HEATR4: variants seen among roughly 807,000 people sequenced by gnomAD.
The protein encoded by HEATR4 is HEAT repeat containing 4.
In HEATR4, 95 loss-of-function variants were observed where a neutral mutation model predicts 108.8. The observed-to-expected ratio is 0.87, with a 90% confidence interval of 0.74 to 1.04. HEATR4 has a LOEUF of 1.04. Among genes scored for constraint, HEATR4 ranks in the 50% least tolerant of loss-of-function variants. The pLI is 0.00. For synonymous variants in HEATR4, 443 were observed against 459.4 expected (o/e 0.96, Z 0.46); for missense variants, 1,152 against 1,253.8 (o/e 0.92, Z 1.23).
the HEATR4 span, among the ~76,000 whole-genome samples, chr14:73,589,567 A>G: frequency 1.3e-5 from 2 of 152,134 alleles, no homozygotes; most frequent in East Asian, 3.9e-4. Flanking sequence ...GATCCGCCCA[A>G]CTCGGCCTCC....
the HEATR4 span, chr14:73,573,363 G>A: frequency 6.2e-7 from 1 of 1,613,498 alleles, no homozygotes; most frequent in East Asian, 2.2e-5. Context: ...GCTTAGTTTT[G>A]CATTTTGTTT....
At chr14:73,582,821 C>A in the HEATR4 span, 1 of 152,264 alleles carries the variant, frequency 6.6e-6, no homozygotes, top group South Asian at 2.1e-4. Context: ...CCCTTATGAG[C>A]AGCCTGCCTT....
At chr14:73,592,322 C>G in the HEATR4 span, 1 of 1,608,574 alleles carries the variant, frequency 6.2e-7, no homozygotes, top group Non-Finnish European at 8.5e-7. Context: ...GGCTGCTGTG[C>G]CAGGCGCAGC....
Position 73,488,463 on chromosome 14 carries a change from G to A in HEATR4, c.2844+4603C>T, listed in dbSNP as rs142107554. Among the ~76,000 whole-genome samples, 373 of 151,970 alleles carry A rather than the reference G, an allele frequency of 2.5e-3. 1 individual carries two copies. Among genetic ancestry groups the A allele is most frequent in the African/African-American group, 8.8e-3 (363 of 41,482 alleles). ...TTTTTTGTATTTTTAGTAGAGATGG[G>A]GTTTCACTGTGCTAGCCAGGATGGT... On this transcript the variant is annotated intron_variant, in intron 17 of 17. Coordinates refer to ENST00000553558, the MANE Select transcript of HEATR4 (RefSeq NM_001220484.1).
rs371528382 is a variant in HEATR4 at position 73,508,162 on chromosome 14, A to C, written c.1853T>G (p.Ile618Ser). 6.2e-7 allele frequency: 1 copy of C among 1,614,160 alleles called. No homozygotes were observed. Among genetic ancestry groups the C allele is most frequent in the East Asian group, 2.2e-5 (1 of 44,882 alleles). The change falls in exon 9 of 18, where the codon ATC (isoleucine) becomes AGC (serine). Residue 618 changes from isoleucine (I) to serine (S), a missense_variant. Transcript: ENST00000553558. ...KNEDTEEQSY[I>S]LLSYLSEKTT... ...CTTCTCACTCAGATAGCTCAGGAGG[A>C]TATAAGACTGTTCCTCAGTGTCCTC... is the stretch of plus-strand genomic sequence containing the variant.
At chr14:73,587,650 C>T in the HEATR4 span, among the ~76,000 whole-genome samples, 1 of 152,216 alleles carries the variant, frequency 6.6e-6, no homozygotes, top group Admixed American at 6.5e-5. Flanking sequence ...GCCACTGCAC[C>T]TGGCCCATCC....
At chr14:73,631,539 T>G in the HEATR4 span, 6 of 156,078 alleles carry the variant, frequency 3.8e-5, no homozygotes, top group Non-Finnish European at 7.2e-5. Flanking sequence ...CAGAATGTGA[T>G]GCCACTGGGT....
chr14:73,587,618 A>C, the HEATR4 span, among the ~76,000 whole-genome samples: 1 of 152,074 alleles, frequency 6.6e-6, no homozygotes, highest in Non-Finnish European at 1.5e-5. Flanking sequence ...GGCCTCCCAA[A>C]GTGCTAGGAT....
intron 9 of HEATR4, among the ~76,000 whole-genome samples, chr14:73,506,787 C>G (rs1020726079): frequency 2.6e-5 from 3 of 115,950 alleles, no homozygotes; most frequent in African/African-American, 9.5e-5. Flanking sequence ...TGGGACCTTC[C>G]TTTCCTGACT....
At chr14:73,586,516 C>G in the HEATR4 span, among the ~76,000 whole-genome samples, 1 of 151,912 alleles carries the variant, frequency 6.6e-6, no homozygotes, top group East Asian at 1.9e-4. Context: ...ACCAGCCTGG[C>G]TAACATGGTA....
chr14:73,574,865 T>G, the HEATR4 span: 1 of 1,613,090 alleles, frequency 6.2e-7, no homozygotes, highest in East Asian at 2.2e-5. Flanking sequence ...ATTCCACTGT[T>G]TGTGGAATCA....
chr14:73,489,573 T>C (rs906957685), intron 17 of HEATR4, among the ~76,000 whole-genome samples: 4 of 152,174 alleles, frequency 2.6e-5, no homozygotes, highest in African/African-American at 9.7e-5. Flanking sequence ...TTTCTGGGAG[T>C]TTATCTTAAA....
At chr14:73,589,896 G>A in the HEATR4 span, among the ~76,000 whole-genome samples, 3,124 of 152,224 alleles carry the variant, frequency 0.021, 66 homozygotes, top group South Asian at 0.096. Flanking sequence ...CCTTTGCGGT[G>A]AGTGTTACAG....
chr14:73,569,599 G>A, the HEATR4 span: 1 of 1,601,944 alleles, frequency 6.2e-7, no homozygotes, highest in Non-Finnish European at 8.5e-7. Context: ...GACACTCTTG[G>A]CGAGCTGGAC....
At chr14:73,604,150 T>G in the HEATR4 span, among the ~76,000 whole-genome samples, 1 of 148,296 alleles carries the variant, frequency 6.7e-6, no homozygotes, top group Non-Finnish European at 1.5e-5. Flanking sequence ...GTAAGATTTT[T>G]CATTTGCTAA....
chr14:73,537,071 C>T lies in HEATR4; in HGVS notation c.-151-6827G>A, dbSNP rs138028918. ...TGATCTTGGCCAACTGCAAGCTCCACCCCCCGGGATCACGCCATTCTCCTG... is the reference window on the plus strand; with the variant it reads ...TGATCTTGGCCAACTGCAAGCTCCATCCCCCGGGATCACGCCATTCTCCTG... On this transcript the variant is annotated intron_variant, in intron 1 of 17. Coordinates refer to ENST00000553558, the MANE Select transcript of HEATR4 (RefSeq NM_001220484.1). 9.5e-3 allele frequency: 1,808 copies of T among 190,100 alleles called. 332 individuals carry two copies. Among genetic ancestry groups the T allele is most frequent in the African/African-American group, 0.046 (1,699 of 37,036 alleles). The allele number at this position is 190,100 out of a possible 1,614,324, so 11.8% of individuals were successfully genotyped here.
At chr14:73,569,402 T>C in the HEATR4 span, 8 of 1,613,842 alleles carry the variant, frequency 5.0e-6, no homozygotes, top group Non-Finnish European at 5.9e-6. Context: ...GGCAGGTTGG[T>C]CAGATCATTA....
chr14:73,584,972 C>T, the HEATR4 span, among the ~76,000 whole-genome samples: 4 of 152,014 alleles, frequency 2.6e-5, no homozygotes, highest in Non-Finnish European at 5.9e-5. Flanking sequence ...CCCGCTGCTC[C>T]AGCCTGGCAG....
chr14:73,511,974 A>G (rs768365111), intron 7 of HEATR4, 32 bp downstream of exon 7: 22 of 1,613,050 alleles, frequency 1.4e-5, no homozygotes, highest in Non-Finnish European at 1.8e-5. Context: ...TGAGTTGCTT[A>G]TGTTCTCAAG....
Sources: gnomAD v4.1 joint callset for allele counts (sites outside exome capture counted in the v4.1 genomes callset) on GRCh38, gnomAD v4.1.1 for gene constraint, MANE v1.5 for transcripts, NCBI Gene and HGNC (gene_info 2026-07-23, HGNC 2026-07-21) for gene names.